The following PRDM6 variants were observed in gnomAD, a reference collection of about 807,000 sequenced individuals.
The protein encoded by PRDM6 is PR/SET domain 6.
Under a neutral mutation model 60.8 loss-of-function variants are expected in PRDM6, and 25 were observed. That is an observed-to-expected ratio of 0.41 (90% CI 0.30 to 0.57). The LOEUF is 0.57. Among genes scored for constraint, PRDM6 ranks in the 20% least tolerant of loss-of-function variants. PRDM6 has a pLI of 0.27. For missense variants in PRDM6, 839 were observed against 821.3 expected, an observed-to-expected ratio of 1.02 and a Z score of -0.26; for synonymous variants, 407 against 357.4, an observed-to-expected ratio of 1.14 and a Z score of -1.57.
intron 5 of PRDM6, among the ~76,000 whole-genome samples, chr5:123,170,320 A>C (rs765540747): frequency 1.5e-4 from 23 of 152,168 alleles, no homozygotes; most frequent in Admixed American, 9.2e-4. Context: ...TGCTGCCAAG[A>C]TCTGGAGGAA....
intron 5 of PRDM6, among the ~76,000 whole-genome samples, chr5:123,165,584 A>G (rs1225898198): frequency 6.6e-6 from 1 of 152,228 alleles, no homozygotes; most frequent in South Asian, 2.1e-4. Flanking sequence ...TTTTGTTAAT[A>G]GGTAGCTCTG....
chr5:123,171,508 GAACTT>G lies in PRDM6; in HGVS notation c.1496+403_1496+407del, dbSNP rs541882563. Among the ~76,000 whole-genome samples, 16 of 152,268 alleles carry G rather than the reference GAACTT, an allele frequency of 1.1e-4. No homozygotes were observed. In the South Asian group the frequency reaches 2.9e-3, roughly 28 times the overall value. ...TTCACCTCCAGTGTGCCGTGGGTAT[GAACTT>G]AATTAAGTACTAAGAGGTAATGAAT... is the stretch of plus-strand genomic sequence containing the variant. On this transcript the variant is annotated intron_variant, in intron 6 of 7. Transcript: ENST00000407847.
chr5:123,181,228 C>T (rs1051577246), intron 7 of PRDM6, among the ~76,000 whole-genome samples: 6 of 152,238 alleles, frequency 3.9e-5, no homozygotes, highest in Non-Finnish European at 7.3e-5. Context: ...TCCTCCTTTT[C>T]TCCATCTTTG....
At position 123,099,496 on chromosome 5, in the gene PRDM6, C is replaced by G. The variant is rs1764047042; in HGVS notation, c.593-158C>G. 6.6e-6 allele frequency among the ~76,000 whole-genome samples: 1 copy of G among 152,182 alleles called. No homozygotes were observed. The highest frequency in any genetic ancestry group is 2.4e-5 in the African/African-American group (1 of 41,462). The stretch of plus-strand genomic sequence containing the variant: ...GCGCGGGTTCTCTTCTCCTCCTCCT[C>G]TGAGTTGCTTCGGTGCCCCCAAGGC... On this transcript the variant is annotated intron_variant, in intron 2 of 7. Coordinates refer to ENST00000407847, the MANE Select transcript of PRDM6 (RefSeq NM_001136239.4). This position sits in a 1 kb window ranked among gnomAD's most constrained non-coding sequence, Gnocchi z 4.0.
intron 3 of PRDM6, among the ~76,000 whole-genome samples, chr5:123,120,216 A>C (rs2150217359): frequency 6.6e-6 from 1 of 152,392 alleles, no homozygotes; most frequent in South Asian, 2.1e-4. Flanking sequence ...AATTTTAAAG[A>C]GGAACAAATG....
At chr5:123,136,726 G>C (rs1438856123) in intron 3 of PRDM6, among the ~76,000 whole-genome samples, 1 of 152,136 alleles carries the variant, frequency 6.6e-6, no homozygotes, top group Middle Eastern at 3.2e-3. Context: ...GCTGAATTTA[G>C]GCAAAAGACT....
At chr5:123,180,047 G>A in intron 6 of PRDM6, 100 bp from the exon 7 acceptor site, 1 of 1,189,562 alleles carries the variant, frequency 8.4e-7, no homozygotes. Context: ...TAGAAACTGA[G>A]AAAATGTCAC....
At position 123,180,131 on chromosome 5, in the gene PRDM6, T is replaced by G. The variant is rs1376407795; in HGVS notation, c.1497-16T>G. 1.3e-6 allele frequency: 2 copies of G among 1,520,846 alleles called. No homozygotes were observed. Among genetic ancestry groups the G allele is most frequent in the Admixed American group, 2.1e-5 (1 of 48,142 alleles). The allele number at this position is 1,520,846 out of a possible 1,614,324, so 94.2% of individuals were successfully genotyped here. On this transcript the variant is annotated splice_polypyrimidine_tract_variant and intron_variant, in intron 6 of 7. Coordinates refer to ENST00000407847, the MANE Select transcript of PRDM6 (RefSeq NM_001136239.4). ...CGCAGAAAACAATGACCAGACAGTC[T>G]GTTTATTTGTTTCAGACCCTACCAA...
At chr5:123,111,481 G>A (rs1764310275) in intron 3 of PRDM6, among the ~76,000 whole-genome samples, 1 of 152,120 alleles carries the variant, frequency 6.6e-6, no homozygotes, top group Admixed American at 6.5e-5. Flanking sequence ...GGCGGATCAC[G>A]AGGTCAGGAG....
At chr5:123,091,254 A>G (rs149029049) in intron 2 of PRDM6, among the ~76,000 whole-genome samples, 1,700 of 152,306 alleles carry the variant, frequency 0.011, 33 homozygotes, top group African/African-American at 0.039. Context: ...AAAAGAAAAA[A>G]AAATGACTGC....
intron 5 of PRDM6, among the ~76,000 whole-genome samples, chr5:123,162,653 T>C (rs944133507): frequency 1.4e-4 from 22 of 152,196 alleles, no homozygotes; most frequent in African/African-American, 4.1e-4. Context: ...AATTAAGCCA[T>C]TGACTAAAGT....
intron 4 of PRDM6, among the ~76,000 whole-genome samples, chr5:123,159,107 A>G (rs1308452442): frequency 6.6e-6 from 1 of 152,210 alleles, no homozygotes; most frequent in African/African-American, 2.4e-5. Context: ...CCAAGTTGCA[A>G]TAATACATTT....
At chr5:123,181,141 T>C (rs911888094) in intron 7 of PRDM6, among the ~76,000 whole-genome samples, 2 of 152,262 alleles carry the variant, frequency 1.3e-5, no homozygotes, top group African/African-American at 4.8e-5. Flanking sequence ...ATTCAGCTGG[T>C]ATTTACCAAG....
chr5:123,099,041 C>A lies in PRDM6; in HGVS notation c.593-613C>A, dbSNP rs549633467. On this transcript the variant is annotated intron_variant, in intron 2 of 7. Coordinates refer to ENST00000407847, the MANE Select transcript of PRDM6 (RefSeq NM_001136239.4). This position sits in a 1 kb window ranked among gnomAD's most constrained non-coding sequence, Gnocchi z 4.0. ...TGGGTCGAAGGAAGTGCGAATGGCACCCGCGATAGACTGGCCGTCTCCCCC... is the reference window on the plus strand; with the variant it reads ...TGGGTCGAAGGAAGTGCGAATGGCAACCGCGATAGACTGGCCGTCTCCCCC... Among the ~76,000 whole-genome samples, 1 of 152,250 alleles carries A rather than the reference C, an allele frequency of 6.6e-6. No individual in the cohort carries two copies. Among genetic ancestry groups the A allele is most frequent in the South Asian group, 2.1e-4 (1 of 4,820 alleles).
chr5:123,125,616 G>A (rs1284750555), intron 3 of PRDM6, among the ~76,000 whole-genome samples: 1 of 152,134 alleles, frequency 6.6e-6, no homozygotes, highest in Non-Finnish European at 1.5e-5. Flanking sequence ...ATGTAAGCAA[G>A]GATACTCTTG....
intron 3 of PRDM6, among the ~76,000 whole-genome samples, chr5:123,153,230 C>G (rs1051009134): frequency 6.9e-6 from 1 of 145,460 alleles, no homozygotes; most frequent in African/African-American, 2.5e-5. Flanking sequence ...GCTAGGTTTT[C>G]TTTTCATTTA....
intron 3 of PRDM6, among the ~76,000 whole-genome samples, chr5:123,144,499 G>A (rs1765192166): frequency 6.6e-6 from 1 of 152,100 alleles, no homozygotes; most frequent in Non-Finnish European, 1.5e-5. Context: ...CTGAAGAGAA[G>A]CACTGAGGCA....
chr5:123,106,069 C>G (rs531107576), intron 3 of PRDM6, among the ~76,000 whole-genome samples: 1 of 152,312 alleles, frequency 6.6e-6, no homozygotes, highest in South Asian at 2.1e-4. Context: ...GCTGTTAACA[C>G]AAAGCTTTTC....
rs371852007 is a variant in PRDM6, at chr5:123,100,322, C to T, written c.900+361C>T. On this transcript the variant is annotated intron_variant, in intron 3 of 7. Transcript: ENST00000407847. ...GAAAACAGCTGAGGAGATGGAGCAG[C>T]GGAGGGTGGGCATTAGAATGTTTGA... 2.9e-4 allele frequency among the ~76,000 whole-genome samples: 44 copies of T among 152,206 alleles called. 1 individual carries two copies. The East Asian group carries it at 7.3e-3, about 25-fold the overall frequency.
Sources: allele counts gnomAD v4.1 joint callset (sites outside exome capture counted in the v4.1 genomes callset), GRCh38; gene constraint gnomAD v4.1.1; non-coding constraint Gnocchi (gnomAD v3.1); transcripts MANE v1.5; gene names NCBI Gene and HGNC (gene_info 2026-07-23, HGNC 2026-07-21).